Variants in KIF11 observed in about 807,000 individuals in gnomAD.
KIF11 encodes kinesin-like protein KIF11.
A neutral mutation model predicts 121.0 loss-of-function variants in KIF11; 9 were observed. The ratio of observed to expected loss-of-function variants is 0.07; its 90% CI spans 0.04 to 0.13. The LOEUF (loss-of-function observed/expected upper bound fraction) is 0.13. Among genes scored for constraint, KIF11 ranks in the 10% least tolerant of loss-of-function variants. The pLI is 1.00. For synonymous variants in KIF11, 408 were observed against 421.0 expected (o/e 0.97, Z 0.38); for missense variants, 846 against 1,217.5 (o/e 0.69, Z 4.54).
At chr10:92,635,277 T>C (rs1008393242) in intron 14 of KIF11, among the ~76,000 whole-genome samples, 6 of 152,198 alleles carry the variant, frequency 3.9e-5, no homozygotes, top group African/African-American at 1.2e-4. Context: ...TTAAAAGATA[T>C]CCTGTCAGTA....
intron 18 of KIF11, among the ~76,000 whole-genome samples, chr10:92,645,847 TGTACA>T (rs1844912504): frequency 6.6e-6 from 1 of 152,178 alleles, no homozygotes; most frequent in African/African-American, 2.4e-5. Context: ...ATTTAACATT[TGTACA>T]GTTTCTTTCC....
At chr10:92,637,643 T>G (rs1211581286) in intron 16 of KIF11, 98 bp downstream of exon 16, 6 of 1,222,318 alleles carry the variant, frequency 4.9e-6, no homozygotes, top group Non-Finnish European at 6.8e-6. Flanking sequence ...CTGAATACTG[T>G]AAAAGCTGAA....
chr10:92,651,711 G>A (rs1844987584), intron 21 of KIF11, among the ~76,000 whole-genome samples: 1 of 151,340 alleles, frequency 6.6e-6, no homozygotes, highest in Admixed American at 6.6e-5. Flanking sequence ...GTTGGTTTAT[G>A]ATTCATCTCA....
rs1321963139 is a variant in KIF11 at position 92,650,411 on chromosome 10, T to G, written c.2933T>G (p.Val978Gly). Residue 978 changes from valine (V) to glycine (G), a missense_variant, in exon 21 of 22, where the codon GTA (valine) becomes GGA (glycine). By Grantham distance (109) the Val-to-Gly change is moderately radical. Around this residue, in one of 5 missense-constraint regions of KIF11, gnomAD observed 492 missense variants for 603.4 expected, o/e 0.82. Coordinates refer to ENST00000260731, the MANE Select transcript of KIF11 (RefSeq NM_004523.4). ...NKEETIPDVD[V>G]EEAVLGQYTE... Reference sequence around the variant, plus strand: ...AGTTTCTTCTTTTAGGATGTGGATGTAGAAGAGGCAGTTCTGGGGCAGTAT... The same window carrying G: ...AGTTTCTTCTTTTAGGATGTGGATGGAGAAGAGGCAGTTCTGGGGCAGTAT... The G allele has an allele frequency of 6.2e-7, 1 of 1,602,686 alleles. No homozygotes were observed. Among genetic ancestry groups the G allele is most frequent in the South Asian group, 1.1e-5 (1 of 90,888 alleles).
chr10:92,645,638 T>C lies in KIF11; in HGVS notation c.2543T>C (p.Leu848Ser), dbSNP rs1211358432. The change falls in exon 18 of 22, where the codon TTG becomes TCG. Residue 848 changes from leucine to serine, a missense_variant. Leu to Ser is a moderately radical substitution (Grantham distance 145). Coordinates refer to ENST00000260731, the MANE Select transcript of KIF11 (RefSeq NM_004523.4). The part of the protein sequence containing the change: ...NEREQELHNL[L>S]EVVSQCCEAS... ...AGGGAACAGGAACTTCACAACTTAT[T>C]GGAGGTAATAACTTTGTAAGTGGAA... 6.3e-7 allele frequency: 1 copy of C among 1,581,926 alleles called. No individual in the cohort carries two copies. Among genetic ancestry groups the C allele is most frequent in the African/African-American group, 1.4e-5 (1 of 73,676 alleles).
chr10:92,626,833 C>A (rs1484641815), intron 10 of KIF11, among the ~76,000 whole-genome samples: 10 of 152,138 alleles, frequency 6.6e-5, no homozygotes. Flanking sequence ...CATCTTGGCT[C>A]ACTGCAAGCT....
intron 19 of KIF11, 58 bp downstream of exon 19, chr10:92,648,492 T>C: frequency 9.4e-7 from 1 of 1,069,496 alleles, no homozygotes; most frequent in Non-Finnish European, 1.4e-6. Flanking sequence ...CAACTCTATG[T>C]AGTGTCAGAT....
At chr10:92,620,865 G>T (rs974621927) in intron 9 of KIF11, among the ~76,000 whole-genome samples, 4 of 152,212 alleles carry the variant, frequency 2.6e-5, no homozygotes, top group Admixed American at 1.3e-4. Context: ...CTCCCACCAG[G>T]TCCCTCCCGC....
At chr10:92,594,323 C>T (rs1455849577) in intron 1 of KIF11, among the ~76,000 whole-genome samples, 1 of 152,168 alleles carries the variant, frequency 6.6e-6, no homozygotes, top group Admixed American at 6.6e-5. Context: ...TTACTCAGCC[C>T]TGGTAACTTG....
At chr10:92,596,490 A>G (rs573960491) in intron 1 of KIF11, among the ~76,000 whole-genome samples, 1 of 151,784 alleles carries the variant, frequency 6.6e-6, no homozygotes, top group Non-Finnish European at 1.5e-5. Context: ...CCAACAGTGC[A>G]TAAGGGTTCC....
chr10:92,616,189 G>T (rs1844555668), intron 8 of KIF11, among the ~76,000 whole-genome samples: 1 of 150,920 alleles, frequency 6.6e-6, no homozygotes, highest in Non-Finnish European at 1.5e-5. Flanking sequence ...GAGCTTTGTG[G>T]TTTTTTTGTT....
At chr10:92,653,010 T>TA (rs1343941605) in intron 21 of KIF11, among the ~76,000 whole-genome samples, 3 of 152,298 alleles carry the variant, frequency 2.0e-5, no homozygotes, top group African/African-American at 7.2e-5. Flanking sequence ...TCCAATGAAA[T>TA]AGAACTTCCA....
chr10:92,651,537 T>TTTTTTTTG (rs1844983729), intron 21 of KIF11, among the ~76,000 whole-genome samples: 3 of 108,782 alleles, frequency 2.8e-5, no homozygotes, highest in Non-Finnish European at 5.3e-5. Flanking sequence ...TTTTTTTTTT[T>TTTTTTTTG]TTTTTTTTTT....
chr10:92,653,425 T>G (rs1360495695), intron 21 of KIF11, among the ~76,000 whole-genome samples: 1 of 152,190 alleles, frequency 6.6e-6, no homozygotes, highest in African/African-American at 2.4e-5. Flanking sequence ...AACTATGTCT[T>G]AGAAAATAAC....
At chr10:92,622,796 T>C (rs1844632183) in intron 10 of KIF11, among the ~76,000 whole-genome samples, 1 of 152,018 alleles carries the variant, frequency 6.6e-6, no homozygotes, top group African/African-American at 2.4e-5. Context: ...CACAGTTCCA[T>C]AGGCTGTACA....
rs1205961442 is a variant in KIF11, at chr10:92,616,859, G to A, written c.1128+27G>A. 9 of 1,226,130 alleles carry A rather than the reference G, an allele frequency of 7.3e-6. No homozygotes were observed. In the African/African-American group the frequency reaches 8.5e-5, roughly 12 times the overall value. The allele number at this position is 1,226,130 out of a possible 1,614,324, so 76.0% of individuals were successfully genotyped here. ...TAACTGTGAATTTTTGTAGAGTAAT[G>A]TAATCTTGTTTGACAAATGTGAAAA... is the stretch of plus-strand genomic sequence containing the variant. On this transcript the variant is annotated intron_variant, in intron 9 of 21. Transcript: ENST00000260731.
rs1433212804 is a variant in KIF11, at chr10:92,648,104, TCTC to T, written c.2548-106_2548-104del. The T allele has an allele frequency of 7.7e-4, 511 of 660,472 alleles. 4 individuals are homozygous for T. The African/African-American group carries it at 0.017, about 22-fold the overall frequency. The allele number at this position is 660,472 out of a possible 1,614,324, so 40.9% of individuals were successfully genotyped here. A position where few individuals can be genotyped will look rare whatever the true frequency, so the allele number is the denominator to read the frequency against. On this transcript the variant is annotated intron_variant, in intron 18 of 21. Transcript: ENST00000260731. Reference sequence around the variant, plus strand: ...AGCCTGGGCAACAGAGTGAGACTTGTCTCCAAAAAAAAAAAAAATTATGGAAAA... The same window carrying T: ...AGCCTGGGCAACAGAGTGAGACTTGTCAAAAAAAAAAAAAATTATGGAAAA...
chr10:92,627,238 A>G (rs1274761351), intron 10 of KIF11, among the ~76,000 whole-genome samples: 1 of 152,256 alleles, frequency 6.6e-6, no homozygotes, highest in Non-Finnish European at 1.5e-5. Context: ...AATGTGAAAT[A>G]GAAAATTGTT....
chr10:92,644,292 C>T (rs1431376277), intron 17 of KIF11, among the ~76,000 whole-genome samples: 1 of 152,066 alleles, frequency 6.6e-6, no homozygotes, highest in African/African-American at 2.4e-5. Flanking sequence ...TCAATCTCGT[C>T]TTCCCATTAA....
Sources: gnomAD v4.1 joint callset for allele counts (sites outside exome capture counted in the v4.1 genomes callset) on GRCh38, gnomAD v4.1.1 for gene constraint, gnomAD v4.1.1 regional missense constraint, MANE v1.5 for transcripts, NCBI Gene and HGNC (gene_info 2026-07-23, HGNC 2026-07-21) for gene names.